The following SLC17A6 variants were observed in gnomAD, a reference collection of about 807,000 sequenced individuals.
The protein encoded by SLC17A6 is solute carrier family 17 member 6.
SLC17A6 carries 35 observed loss-of-function variants against 67.1 expected under a neutral mutation model. That is an observed-to-expected ratio of 0.52 (90% CI 0.40 to 0.69). SLC17A6 has a LOEUF of 0.69. Among genes scored for constraint, SLC17A6 ranks in the 30% least tolerant of loss-of-function variants. SLC17A6 has a pLI of 0.00. For synonymous variants in SLC17A6, 285 were observed against 252.3 expected (o/e 1.13, Z -1.23); for missense variants, 588 against 723.9 (o/e 0.81, Z 2.15).
At chr11:22,367,920 G>T (rs1473712810) in intron 7 of SLC17A6, among the ~76,000 whole-genome samples, 1 of 152,074 alleles carries the variant, frequency 6.6e-6, no homozygotes, top group Admixed American at 6.5e-5. Context: ...AATAGAACTT[G>T]CATTTTAGTT....
chr11:22,365,618 A>G lies in SLC17A6; in HGVS notation c.820A>G (p.Ile274Val). 6.2e-7 allele frequency: 1 copy of G among 1,613,938 alleles called. No individual in the cohort carries two copies. Among genetic ancestry groups the G allele is most frequent in the Non-Finnish European group, 8.5e-7 (1 of 1,179,862 alleles). Residue 274 changes from isoleucine to valine, a missense_variant, in exon 7 of 12, where the codon ATT (isoleucine) becomes GTT (valine). This residue lies in a region of SLC17A6 where 414 missense variants were observed against 563.4 expected (regional missense o/e 0.73). Transcript: ENST00000263160. ...SYESPAKHPT[I>V]TDEERRYIEE... ...TGAAAGTCCTGCAAAGCATCCTACT[A>G]TTACAGATGAAGAACGTAGGTACAT...
At chr11:22,353,419 C>A (rs1270647051) in intron 3 of SLC17A6, among the ~76,000 whole-genome samples, 1 of 152,050 alleles carries the variant, frequency 6.6e-6, no homozygotes, top group African/African-American at 2.4e-5. Flanking sequence ...ATTTAAATGC[C>A]TACAAGGAAC....
At chr11:22,371,869 A>G (rs1856178519) in intron 8 of SLC17A6, among the ~76,000 whole-genome samples, 1 of 152,078 alleles carries the variant, frequency 6.6e-6, no homozygotes, top group African/African-American at 2.4e-5. Context: ...AAAAAATTGT[A>G]TAGGAGATGA....
rs1486262468 is a variant in SLC17A6 at position 22,369,845 on chromosome 11, A to T, written c.892-194A>T. Among the ~76,000 whole-genome samples the T allele has an allele frequency of 2.0e-5, 3 of 151,864 alleles. No homozygotes were observed. The East Asian group carries it at 5.8e-4, about 29-fold the overall frequency. On this transcript the variant is annotated intron_variant, in intron 7 of 11. Coordinates refer to ENST00000263160, the MANE Select transcript of SLC17A6 (RefSeq NM_020346.3). ...AATAAGTTGCAGTGATTGAGATCTT[A>T]TTTTTTTTCTCTTCCAATGATTATT...
In SLC17A6 at chr11:22,338,475, C is replaced by A. The variant is rs930513200; in HGVS notation, c.-59C>A. On this transcript the variant is annotated 5_prime_UTR_variant, in exon 1 of 12. Transcript: ENST00000263160. ...AGATTAAGACAATATGCGCAATCCTCGCCTTTCCTAGCAATCACTATTTAA... is the reference window on the plus strand; with the variant it reads ...AGATTAAGACAATATGCGCAATCCTAGCCTTTCCTAGCAATCACTATTTAA... 1.4e-5 allele frequency: 18 copies of A among 1,249,918 alleles called. No individual in the cohort carries two copies. Among genetic ancestry groups the A allele is most frequent in the Non-Finnish European group, 1.8e-5 (15 of 854,278 alleles). 77.4% of individuals were successfully genotyped at this position (1,249,918 alleles called of 1,614,324 possible).
intron 3 of SLC17A6, among the ~76,000 whole-genome samples, chr11:22,354,293 G>A (rs770018716): frequency 6.6e-6 from 1 of 151,800 alleles, no homozygotes; most frequent in Non-Finnish European, 1.5e-5. Context: ...CATGTTGGTC[G>A]GGCTGGTCTT....
At chr11:22,365,512 G>A (rs367620576) in intron 6 of SLC17A6, 35 bp from the exon 7 acceptor site, 2 of 1,612,116 alleles carry the variant, frequency 1.2e-6, no homozygotes, top group African/African-American at 1.3e-5. Context: ...CTGTTAAATG[G>A]AAGTGACTTT....
Position 22,341,554 on chromosome 11 carries a change from G to T in SLC17A6, c.113G>T (p.Gly38Val). 6.2e-7 allele frequency: 1 copy of T among 1,613,934 alleles called. No homozygotes were observed. The highest frequency in any genetic ancestry group is 8.5e-7 in the Non-Finnish European group (1 of 1,180,022). Residue 38 changes from glycine (G) to valine (V), a missense_variant, in exon 2 of 12, where the codon GGG (glycine) becomes GTG (valine). Gly to Val is a moderately radical substitution (Grantham distance 109). Coordinates refer to ENST00000263160, the MANE Select transcript of SLC17A6 (RefSeq NM_020346.3). ...GTGCTGGAGAAGAAGCAAGACACCGGGGAGACAATCGAGCTGACGGAGGAT... is the reference window on the plus strand; with the variant it reads ...GTGCTGGAGAAGAAGCAAGACACCGTGGAGACAATCGAGCTGACGGAGGAT... ...YRVLEKKQDT[G>V]ETIELTEDGK... is the part of the protein sequence containing the mutation.
At chr11:22,357,947 A>T (rs1003933187) in intron 3 of SLC17A6, among the ~76,000 whole-genome samples, 3 of 152,236 alleles carry the variant, frequency 2.0e-5, no homozygotes, top group African/African-American at 7.2e-5. Context: ...GGTACAGGCT[A>T]CATATATTTT....
rs1434404706 is a variant in SLC17A6 at position 22,338,423 on chromosome 11, G to T, written c.-111G>T. ...AGGCGAGCCACTACCATTCTGCTGA[G>T]AAGGAAAAGCCCGCAACTACTTTAA... On this transcript the variant is annotated 5_prime_UTR_variant, in exon 1 of 12. Coordinates refer to ENST00000263160, the MANE Select transcript of SLC17A6 (RefSeq NM_020346.3). 6 of 741,518 alleles carry T rather than the reference G, an allele frequency of 8.1e-6. No individual in the cohort carries two copies. The Admixed American group carries it at 1.4e-4, about 17-fold the overall frequency. The allele number at this position is 741,518 out of a possible 1,614,324, so 45.9% of individuals were successfully genotyped here.
chr11:22,360,983 T>C lies in SLC17A6; in HGVS notation c.660T>C (p.Cys220=), dbSNP rs1409616668. The C allele has an allele frequency of 1.2e-6, 2 of 1,613,408 alleles. No individual in the cohort carries two copies. The highest frequency in any genetic ancestry group is 8.5e-7 in the Non-Finnish European group (1 of 1,179,452). ...GTAGACTGGCAACCACCTCCTTTTG[T>C]GGTGAGTACTGTGTGCAGATGCAGC... is the stretch of plus-strand genomic sequence containing the variant. ...ERSRLATTSF[C]GSYAGAVIAM... is the part of the protein sequence containing the mutation. Residue 220 remains cysteine (C), a splice_region_variant and synonymous_variant, in exon 5 of 12, where the codon TGT becomes TGC. Transcript: ENST00000263160.
At chr11:22,338,812 G>GGGGTGT (rs10661059) in intron 1 of SLC17A6, among the ~76,000 whole-genome samples, 193 bp downstream of exon 1, 3 of 136,244 alleles carry the variant, frequency 2.2e-5, no homozygotes, top group African/African-American at 8.5e-5. Context: ...GAACCTGTCT[G>GGGGTGT]GTGTGTGTGT....
intron 1 of SLC17A6, among the ~76,000 whole-genome samples, chr11:22,340,606 C>T (rs538542749): frequency 6.6e-6 from 1 of 152,186 alleles, no homozygotes; most frequent in East Asian, 1.9e-4. Context: ...TCGCATTTTG[C>T]GTCTTGGGAA....
chr11:22,338,500 A>C lies in SLC17A6; in HGVS notation c.-34A>C, dbSNP rs1447652915. ...CGCCTTTCCTAGCAATCACTATTTA[A>C]ATCTGGCAAGAACTGACAACAGTCT... On this transcript the variant is annotated 5_prime_UTR_variant, in exon 1 of 12. Coordinates refer to ENST00000263160, the MANE Select transcript of SLC17A6 (RefSeq NM_020346.3). The C allele has an allele frequency of 6.7e-7, 1 of 1,488,268 alleles. No homozygotes were observed. Among genetic ancestry groups the C allele is most frequent in the African/African-American group, 1.4e-5 (1 of 72,092 alleles). The allele number at this position is 1,488,268 out of a possible 1,614,324, so 92.2% of individuals were successfully genotyped here.
chr11:22,372,325 A>C (rs1856182849), intron 8 of SLC17A6, among the ~76,000 whole-genome samples: 1 of 150,998 alleles, frequency 6.6e-6, no homozygotes, highest in Non-Finnish European at 1.5e-5. Flanking sequence ...AGGCTAATAC[A>C]ATATATATCA....
rs35501356 is a variant in SLC17A6, at chr11:22,354,090, C to CTT, written c.459-5314_459-5313dup. On this transcript the variant is annotated intron_variant, in intron 3 of 11. Coordinates refer to ENST00000263160, the MANE Select transcript of SLC17A6 (RefSeq NM_020346.3). ...CTAAACAATTTATATTTTTTTTCTT[C>CTT]TTTTTTTTTTGAGACAGAGTTTTGC... is the stretch of plus-strand genomic sequence containing the variant. Among the ~76,000 whole-genome samples the CTT allele has an allele frequency of 0.013, 1,994 of 148,994 alleles. 145 individuals carry two copies. The East Asian group carries it at 0.22, about 17-fold the overall frequency.
chr11:22,348,326 C>T (rs186435505), intron 3 of SLC17A6, among the ~76,000 whole-genome samples: 99 of 152,194 alleles, frequency 6.5e-4, no homozygotes, highest in African/African-American at 2.1e-3. Context: ...CATGAATTAG[C>T]GAGAGAAGCC....
At chr11:22,340,003 T>G (rs1444633277) in intron 1 of SLC17A6, among the ~76,000 whole-genome samples, 2 of 152,212 alleles carry the variant, frequency 1.3e-5, no homozygotes. Flanking sequence ...GAATAAACAT[T>G]AACCTAGCCA....
At chr11:22,367,600 T>G (rs1856127504) in intron 7 of SLC17A6, among the ~76,000 whole-genome samples, 1 of 152,216 alleles carries the variant, frequency 6.6e-6, no homozygotes, top group African/African-American at 2.4e-5. Context: ...AGCCTCAATT[T>G]CTAGCCCCAA....
Sources: gnomAD v4.1 joint callset for allele counts (sites outside exome capture counted in the v4.1 genomes callset) on GRCh38, gnomAD v4.1.1 for gene constraint, gnomAD v4.1.1 regional missense constraint, MANE v1.5 for transcripts, NCBI Gene and HGNC (gene_info 2026-07-23, HGNC 2026-07-21) for gene names.